EML6: variants seen among roughly 807,000 people sequenced by gnomAD.
EML6 encodes EMAP like 6.
Under a neutral mutation model 240.1 loss-of-function variants are expected in EML6, and 154 were observed. That is an observed-to-expected ratio of 0.64 (90% CI 0.56 to 0.73). The LOEUF (loss-of-function observed/expected upper bound fraction) is 0.73. Ranked by LOEUF, EML6 falls within the 30% of genes least tolerant of loss-of-function variation. The probability of loss-of-function intolerance (pLI) is 0.00; values close to 1 mark genes in which losing one functional copy is unlikely to be tolerated. For synonymous variants in EML6, 1,148 were observed against 899.0 expected, an observed-to-expected ratio of 1.28 and a Z score of -4.95; for missense variants, 2,964 against 2,474.6, an observed-to-expected ratio of 1.20 and a Z score of -4.20.
chr2:54,932,361 T>C (rs1038917349), intron 28 of EML6, among the ~76,000 whole-genome samples: 3 of 152,210 alleles, frequency 2.0e-5, no homozygotes, highest in African/African-American at 7.2e-5. Context: ...AAGTCTTTTT[T>C]ACTTTTGGGA....
At chr2:54,767,704 G>T (rs1558534977) in intron 2 of EML6, among the ~76,000 whole-genome samples, 1 of 151,366 alleles carries the variant, frequency 6.6e-6, no homozygotes, top group Non-Finnish European at 1.5e-5. Context: ...GTAGAGACGG[G>T]GTCTCATTAT....
chr2:54,920,282 C>G lies in EML6; in HGVS notation c.3675+3347C>G, dbSNP rs550300492. 7.8e-4 allele frequency among the ~76,000 whole-genome samples: 118 copies of G among 152,026 alleles called. 2 individuals carry two copies. The highest frequency in any genetic ancestry group is 2.8e-3 in the African/African-American group (116 of 41,522). ...TAAAATTGACCAACCTTTAGCTAGACTAGCCAAAAAAAGGACTCAAATAAA... is the reference window on the plus strand; with the variant it reads ...TAAAATTGACCAACCTTTAGCTAGAGTAGCCAAAAAAAGGACTCAAATAAA... On this transcript the variant is annotated intron_variant, in intron 26 of 41. Coordinates refer to ENST00000356458, the MANE Select transcript of EML6 (RefSeq NM_001039753.4).
intron 34 of EML6, among the ~76,000 whole-genome samples, chr2:54,959,569 C>T (rs1295328060): frequency 6.6e-6 from 1 of 152,076 alleles, no homozygotes; most frequent in East Asian, 1.9e-4. Context: ...CAAAACCAGC[C>T]TGGTCAACAT....
chr2:54,965,995 A>C (rs1376228722), intron 38 of EML6, among the ~76,000 whole-genome samples: 1 of 152,256 alleles, frequency 6.6e-6, no homozygotes, highest in Non-Finnish European at 1.5e-5. Flanking sequence ...ATGAACAAGG[A>C]CAGCATGGAG....
chr2:54,817,262 A>G (rs1428828470), intron 4 of EML6, among the ~76,000 whole-genome samples: 4 of 152,212 alleles, frequency 2.6e-5, no homozygotes, highest in Non-Finnish European at 5.9e-5. Context: ...TTAATTTTGA[A>G]TGAGTGTAAT....
At chr2:54,945,534 G>A (rs931602878) in intron 28 of EML6, among the ~76,000 whole-genome samples, 1 of 152,106 alleles carries the variant, frequency 6.6e-6, no homozygotes, top group Non-Finnish European at 1.5e-5. Context: ...GGAACGACTT[G>A]GTTTCTCACA....
intron 16 of EML6, among the ~76,000 whole-genome samples, chr2:54,872,963 T>G (rs915486480): frequency 6.6e-6 from 1 of 152,166 alleles, no homozygotes; most frequent in Non-Finnish European, 1.5e-5. Context: ...TCCCAGGCAT[T>G]TCACACACAG....
At chr2:54,854,692 C>G (rs924781745) in intron 11 of EML6, among the ~76,000 whole-genome samples, 1 of 152,246 alleles carries the variant, frequency 6.6e-6, no homozygotes, top group Non-Finnish European at 1.5e-5. Context: ...AGTTTTGAAG[C>G]AGTGACAGTT....
intron 2 of EML6, among the ~76,000 whole-genome samples, chr2:54,780,208 C>T (rs1668792206): frequency 6.6e-6 from 1 of 152,062 alleles, no homozygotes; most frequent in South Asian, 2.1e-4. Flanking sequence ...TGCCTTTTTA[C>T]CCATTAGTAT....
chr2:54,910,187 C>A (rs1280181312), intron 24 of EML6, among the ~76,000 whole-genome samples: 1 of 152,128 alleles, frequency 6.6e-6, no homozygotes, highest in African/African-American at 2.4e-5. Flanking sequence ...TCTTTATACT[C>A]TTCTTCTATA....
Position 54,798,504 on chromosome 2 carries a change from C to T in EML6, c.198-14728C>T, listed in dbSNP as rs527472000. The stretch of plus-strand genomic sequence containing the variant: ...TAGTTTTTAATGTAAAGGAGCTATA[C>T]ATCTTTTTGTTAAACTTAAGATCTT... On this transcript the variant is annotated intron_variant, in intron 2 of 41. Coordinates refer to ENST00000356458, the MANE Select transcript of EML6 (RefSeq NM_001039753.4). Among the ~76,000 whole-genome samples the T allele has an allele frequency of 1.9e-4, 29 of 152,248 alleles. 1 individual carries two copies. The highest frequency in any genetic ancestry group is 6.7e-4 in the African/African-American group (28 of 41,548).
chr2:54,786,632 A>G lies in EML6; in HGVS notation c.198-26600A>G, dbSNP rs138057187. Reference sequence around the variant, plus strand: ...GAACCCACAACACACATTCCTCTCCATTATACTGAGTTTCTGGCAAATATT... The same window carrying G: ...GAACCCACAACACACATTCCTCTCCGTTATACTGAGTTTCTGGCAAATATT... On this transcript the variant is annotated intron_variant, in intron 2 of 41. Transcript: ENST00000356458. Among the ~76,000 whole-genome samples, 1,509 of 152,306 alleles carry G rather than the reference A, an allele frequency of 9.9e-3. 27 individuals carry two copies. Among genetic ancestry groups the G allele is most frequent in the African/African-American group, 0.034 (1,420 of 41,548 alleles).
At chr2:54,847,392 C>G in intron 8 of EML6, 94 bp from the exon 9 acceptor site, 1 of 1,306,778 alleles carries the variant, frequency 7.7e-7, no homozygotes, top group Non-Finnish European at 1.0e-6. Context: ...TTTCTTGTTA[C>G]TGTTGGTGTG....
chr2:54,806,092 GAC>G (rs1368214962), intron 2 of EML6, among the ~76,000 whole-genome samples: 1 of 151,658 alleles, frequency 6.6e-6, no homozygotes, highest in Non-Finnish European at 1.5e-5. Context: ...CATTTTTTCT[GAC>G]ATATACATGT....
At position 54,905,321 on chromosome 2, in the gene EML6, GACACACACACACACACACAC is replaced by G. The variant is rs70944194; in HGVS notation, c.3409+1857_3409+1876del. On this transcript the variant is annotated intron_variant, in intron 24 of 41. Transcript: ENST00000356458. ...GTCTGATTAACTTTATTTAGAATCC[GACACACACACACACACACAC>G]ACACACACACACACACACACACACA... is the stretch of plus-strand genomic sequence containing the variant. 3.0e-3 allele frequency among the ~76,000 whole-genome samples: 368 copies of G among 121,654 alleles called. 1 individual carries two copies. Among genetic ancestry groups the G allele is most frequent in the South Asian group, 5.7e-3 (17 of 3,000 alleles). The allele number at this position is 121,654 out of a possible 152,430, so 79.8% of individuals were successfully genotyped here.
In EML6 at chr2:54,853,623, T is replaced by C. The variant is rs1240718469; in HGVS notation, c.1445-20T>C. On this transcript the variant is annotated intron_variant, in intron 10 of 41. Transcript: ENST00000356458. ...ATAAACTTTTTATTTAAATGTAATG[T>C]TAATATTGATTATTTTCAGCTGGGA... 7.1e-7 allele frequency: 1 copy of C among 1,414,208 alleles called. No homozygotes were observed. Among genetic ancestry groups the C allele is most frequent in the Non-Finnish European group, 9.6e-7 (1 of 1,039,068 alleles). The allele number at this position is 1,414,208 out of a possible 1,614,324, so 87.6% of individuals were successfully genotyped here.
intron 28 of EML6, among the ~76,000 whole-genome samples, chr2:54,931,028 G>C (rs1178711323): frequency 2.0e-5 from 3 of 148,338 alleles, no homozygotes; most frequent in Admixed American, 6.9e-5. Context: ...CGCGATCTCG[G>C]CTCACTGCAA....
rs1042815459 is a variant in EML6, at chr2:54,724,028, C to T, written c.-514+251C>T. Reference sequence around the variant, plus strand: ...GGATTCCGTGGGACCCGGTGTTTAGCGCAGAGGTTTCTGGGGAGAAGTACA... The same window carrying T: ...GGATTCCGTGGGACCCGGTGTTTAGTGCAGAGGTTTCTGGGGAGAAGTACA... On this transcript the variant is annotated intron_variant, in intron 1 of 41. Transcript: ENST00000356458. This position sits in a 1 kb window ranked among gnomAD's most constrained non-coding sequence, Gnocchi z 5.2. Among the ~76,000 whole-genome samples the T allele has an allele frequency of 6.6e-6, 1 of 152,190 alleles. No homozygotes were observed. Among genetic ancestry groups the T allele is most frequent in the Non-Finnish European group, 1.5e-5 (1 of 68,028 alleles).
At chr2:54,872,426 T>G (rs558958391) in intron 16 of EML6, among the ~76,000 whole-genome samples, 15 of 152,262 alleles carry the variant, frequency 9.9e-5, no homozygotes, top group African/African-American at 3.1e-4. Context: ...AGCCTGATTG[T>G]TCTCCCCTGT....
Sources: allele counts gnomAD v4.1 joint callset (sites outside exome capture counted in the v4.1 genomes callset), GRCh38; gene constraint gnomAD v4.1.1; non-coding constraint Gnocchi (gnomAD v3.1); transcripts MANE v1.5; gene names NCBI Gene and HGNC (gene_info 2026-07-23, HGNC 2026-07-21).